SMARCC1: variants seen among roughly 807,000 people sequenced by gnomAD.
SMARCC1 encodes SWI/SNF complex subunit SMARCC1.
Under a neutral mutation model 147.4 loss-of-function variants are expected in SMARCC1, and 43 were observed. That is an observed-to-expected ratio of 0.29 (90% CI 0.23 to 0.38). The LOEUF is 0.38. Ranked by LOEUF, SMARCC1 falls within the 10% of genes least tolerant of loss-of-function variation. SMARCC1 has a pLI of 1.00. For missense variants in SMARCC1, 1,119 were observed against 1,381.1 expected (o/e 0.81, Z 3.01); for synonymous variants, 495 against 484.4 (o/e 1.02, Z -0.29).
At chr3:47,597,918 TG>T (rs2032317065) in intron 26 of SMARCC1, among the ~76,000 whole-genome samples, 1 of 152,146 alleles carries the variant, frequency 6.6e-6, no homozygotes, top group African/African-American at 2.4e-5. Context: ...CTTTTTGCTT[TG>T]GGAACAGATG....
chr3:47,762,572 C>CA (rs2034785698), intron 2 of SMARCC1, among the ~76,000 whole-genome samples: 1 of 152,224 alleles, frequency 6.6e-6, no homozygotes, highest in Non-Finnish European at 1.5e-5. Flanking sequence ...ATTTTATGCT[C>CA]AACGTATTTA....
At chr3:47,625,714 A>T (rs2032800524) in intron 24 of SMARCC1, among the ~76,000 whole-genome samples, 1 of 152,346 alleles carries the variant, frequency 6.6e-6, no homozygotes, top group African/African-American at 2.4e-5. Context: ...AAAAGTATAC[A>T]CTAAAAAATT....
At chr3:47,627,572 C>A (rs1289552156) in intron 24 of SMARCC1, among the ~76,000 whole-genome samples, 1 of 152,076 alleles carries the variant, frequency 6.6e-6, no homozygotes, top group African/African-American at 2.4e-5. Context: ...GAGAAAGATC[C>A]AATCCAGAGC....
At chr3:47,740,361 A>G (rs2034496066) in intron 3 of SMARCC1, among the ~76,000 whole-genome samples, 1 of 151,062 alleles carries the variant, frequency 6.6e-6, no homozygotes, top group Non-Finnish European at 1.5e-5. Context: ...ACACCCTGCT[A>G]ATCTTTTGTA....
chr3:47,636,788 A>ATATGTGTG (rs1385700826), intron 22 of SMARCC1, among the ~76,000 whole-genome samples: 11 of 80,668 alleles, frequency 1.4e-4, no homozygotes, highest in African/African-American at 3.8e-4. Context: ...AAATATATAT[A>ATATGTGTG]TGTGTGTGTG....
At chr3:47,672,046 C>T (rs1256545671) in intron 18 of SMARCC1, among the ~76,000 whole-genome samples, 2 of 151,660 alleles carry the variant, frequency 1.3e-5, no homozygotes, top group Admixed American at 1.3e-4. Flanking sequence ...TGTTCACTTG[C>T]ACAAAAAAAA....
intron 24 of SMARCC1, among the ~76,000 whole-genome samples, chr3:47,631,917 G>A (rs992263156): frequency 6.6e-6 from 1 of 152,146 alleles, no homozygotes; most frequent in African/African-American, 2.4e-5. Context: ...TCAGATCCCA[G>A]CTGTAAGTGG....
At chr3:47,619,196 T>C (rs1320423499) in intron 25 of SMARCC1, among the ~76,000 whole-genome samples, 3 of 152,238 alleles carry the variant, frequency 2.0e-5, no homozygotes, top group African/African-American at 7.2e-5. Flanking sequence ...TGCTGTACTA[T>C]ACAAACATAC....
chr3:47,725,788 G>A (rs575107816), intron 6 of SMARCC1, among the ~76,000 whole-genome samples: 52 of 151,868 alleles, frequency 3.4e-4, no homozygotes, highest in African/African-American at 8.9e-4. Context: ...TTTGCTAGGC[G>A]CAGTGACTCA....
At position 47,590,815 on chromosome 3, in the gene SMARCC1, G is replaced by A; in HGVS notation, c.3066C>T (p.Ser1022=). Residue 1022 remains serine (S), a synonymous_variant, in exon 27 of 28, where the codon TCC becomes TCT. Coordinates refer to ENST00000254480, the MANE Select transcript of SMARCC1 (RefSeq NM_003074.4). ...CTGGCATGTGCTGCCCGGGCATCATGGAACCTGGGCCTGGTATCTGACCTG... is the reference window on the plus strand; with the variant it reads ...CTGGCATGTGCTGCCCGGGCATCATAGAACCTGGGCCTGGTATCTGACCTG... ...PQPGQIPGPG[S]MMPGQHMPGR... The A allele has an allele frequency of 6.2e-7, 1 of 1,600,762 alleles. No individual in the cohort carries two copies. Among genetic ancestry groups the A allele is most frequent in the Non-Finnish European group, 8.5e-7 (1 of 1,174,896 alleles).
chr3:47,743,211 G>C (rs937171014), intron 3 of SMARCC1, among the ~76,000 whole-genome samples: 8 of 152,208 alleles, frequency 5.3e-5, no homozygotes, highest in African/African-American at 1.9e-4. Flanking sequence ...TCCAAACAGA[G>C]TGGGGAGTTA....
intron 2 of SMARCC1, among the ~76,000 whole-genome samples, chr3:47,750,210 C>T (rs1269205110): frequency 2.6e-5 from 4 of 152,120 alleles, no homozygotes; most frequent in African/African-American, 2.4e-5. Flanking sequence ...CCAAGGTGGA[C>T]GGATCACAAG....
intron 2 of SMARCC1, among the ~76,000 whole-genome samples, chr3:47,754,263 T>C (rs570653333): frequency 1.3e-4 from 20 of 151,204 alleles, no homozygotes; most frequent in African/African-American, 4.6e-4. Context: ...AGTGCAGTGG[T>C]GCAATTTCAG....
rs1164698060 is a variant in SMARCC1 at position 47,738,128 on chromosome 3, C to A, written c.402-18G>T. ...ACCTCCGCCTAAAAAAAAAGAAAAA[C>A]CCTAGTTAATTTGTCTCCCAGCTTA... On this transcript the variant is annotated intron_variant, in intron 3 of 27. Transcript: ENST00000254480. 2 of 1,530,410 alleles carry A rather than the reference C, an allele frequency of 1.3e-6. No homozygotes were observed. The highest frequency in any genetic ancestry group is 8.8e-7 in the Non-Finnish European group (1 of 1,135,292). The allele number at this position is 1,530,410 out of a possible 1,614,324, so 94.8% of individuals were successfully genotyped here.
intron 11 of SMARCC1, among the ~76,000 whole-genome samples, chr3:47,693,820 A>G (rs969604109): frequency 6.6e-6 from 1 of 151,992 alleles, no homozygotes; most frequent in East Asian, 1.9e-4. Flanking sequence ...ATGCCACCAC[A>G]CCTAGTTAAT....
At chr3:47,718,715 A>T (rs534131879) in intron 7 of SMARCC1, among the ~76,000 whole-genome samples, 8 of 152,026 alleles carry the variant, frequency 5.3e-5, no homozygotes, top group East Asian at 3.9e-4. Flanking sequence ...TAAAATAAAA[A>T]AATAAAAATA....
intron 2 of SMARCC1, among the ~76,000 whole-genome samples, chr3:47,770,634 T>A (rs558529653): frequency 4.0e-4 from 61 of 151,320 alleles, no homozygotes; most frequent in Non-Finnish European, 7.8e-4. Context: ...AAAAAAAAGA[T>A]CAGCCTAGGC....
At chr3:47,595,383 G>A (rs914890387) in intron 26 of SMARCC1, among the ~76,000 whole-genome samples, 37 of 151,898 alleles carry the variant, frequency 2.4e-4, no homozygotes, top group Non-Finnish European at 4.9e-4. Context: ...AAAAATTAGC[G>A]AGATGCGGTG....
At chr3:47,605,812 T>C (rs539601345) in intron 26 of SMARCC1, among the ~76,000 whole-genome samples, 1 of 152,246 alleles carries the variant, frequency 6.6e-6, no homozygotes, top group African/African-American at 2.4e-5. Flanking sequence ...CCAGACATAA[T>C]AAATGTAATT....
Sources: allele counts gnomAD v4.1 joint callset (sites outside exome capture counted in the v4.1 genomes callset), GRCh38; gene constraint gnomAD v4.1.1; transcripts MANE v1.5; gene names NCBI Gene and HGNC (gene_info 2026-07-23, HGNC 2026-07-21).